COL16A1: variants seen among roughly 807,000 people sequenced by gnomAD.
COL16A1 encodes collagen alpha-1(XVI) chain.
COL16A1 carries 189 observed loss-of-function variants against 266.3 expected under a neutral mutation model. The ratio of observed to expected loss-of-function variants is 0.71; its 90% CI spans 0.63 to 0.80. The LOEUF (loss-of-function observed/expected upper bound fraction) is 0.80, where lower values mean the gene tolerates loss of function less well. Among genes scored for constraint, COL16A1 ranks in the 30% least tolerant of loss-of-function variants. COL16A1 has a pLI of 0.00. For synonymous variants in COL16A1, 740 were observed against 782.3 expected, an observed-to-expected ratio of 0.95 and a Z score of 0.90; for missense variants, 1,928 against 2,122.4, an observed-to-expected ratio of 0.91 and a Z score of 1.80.
At chr1:31,696,584 G>C (rs74714127) in intron 8 of COL16A1, among the ~76,000 whole-genome samples, 18 of 152,216 alleles carry the variant, frequency 1.2e-4, no homozygotes, top group Middle Eastern at 3.2e-3. Context: ...GCCATCCCTG[G>C]GGGGAAGCAG....
In COL16A1 at chr1:31,653,889, C is replaced by T; in HGVS notation, c.4512G>A (p.Arg1504=). The change falls in exon 69 of 71, where the codon CGG becomes CGA. Residue 1504 remains arginine (R), a synonymous_variant. Transcript: ENST00000373672. Reference sequence around the variant, plus strand: ...TACCTCTTACTCCTGGCAAGCCCTGCCGTCCTTCTCTGCCAATCTGACCAG... The same window carrying T: ...TACCTCTTACTCCTGGCAAGCCCTGTCGTCCTTCTCTGCCAATCTGACCAG... The part of the protein sequence containing the change: ...GLPGQIGREG[R]QGLPGVRGLP... 6.2e-7 allele frequency: 1 copy of T among 1,612,706 alleles called. No individual in the cohort carries two copies. The highest frequency in any genetic ancestry group is 1.1e-5 in the South Asian group (1 of 91,004).
intron 39 of COL16A1, 139 bp downstream of exon 39, chr1:31,680,766 C>G: frequency 6.5e-7 from 1 of 1,535,296 alleles, no homozygotes; most frequent in East Asian, 2.3e-5. Context: ...TCCAAGGCAG[C>G]TTCATGTGCA....
At chr1:31,687,150 G>T (rs1334542191) in intron 26 of COL16A1, among the ~76,000 whole-genome samples, 1 of 152,218 alleles carries the variant, frequency 6.6e-6, no homozygotes, top group Admixed American at 6.5e-5. Context: ...GGGAGGCCAA[G>T]GAGGGTAGAT....
intron 34 of COL16A1, 36 bp downstream of exon 34, chr1:31,683,671 C>T (rs764616851): frequency 3.7e-6 from 6 of 1,613,996 alleles, no homozygotes; most frequent in Middle Eastern, 1.6e-4. Flanking sequence ...AATGGAAGTG[C>T]TGAGAGGACA....
rs1641977567 is a variant in COL16A1 at position 31,664,724 on chromosome 1, G to A, written c.3555+448C>T. Among the ~76,000 whole-genome samples, 1 of 152,162 alleles carries A rather than the reference G, an allele frequency of 6.6e-6. No individual in the cohort carries two copies. Among genetic ancestry groups the A allele is most frequent in the Non-Finnish European group, 1.5e-5 (1 of 68,016 alleles). On this transcript the variant is annotated intron_variant, in intron 56 of 70. Transcript: ENST00000373672. This position sits in a 1 kb window ranked among gnomAD's most constrained non-coding sequence, Gnocchi z 5.5. Reference sequence around the variant, plus strand: ...GGCCCTTGGGGACAACTGGAGCACGGCTACCCAGGAGGAGCCCATTCCCCT... The same window carrying A: ...GGCCCTTGGGGACAACTGGAGCACGACTACCCAGGAGGAGCCCATTCCCCT...
chr1:31,654,920 G>A, intron 67 of COL16A1, 62 bp from the exon 68 acceptor site: 1 of 1,571,888 alleles, frequency 6.4e-7, no homozygotes, highest in Non-Finnish European at 8.6e-7. Context: ...TTCCCCTATG[G>A]AAATAAAGGA....
At position 31,688,598 on chromosome 1, in the gene COL16A1, G is replaced by C; in HGVS notation, c.1768-96C>G. 1 of 1,508,600 alleles carries C rather than the reference G, an allele frequency of 6.6e-7. No individual in the cohort carries two copies. Among genetic ancestry groups the C allele is most frequent in the Non-Finnish European group, 9.2e-7 (1 of 1,084,152 alleles). The allele number at this position is 1,508,600 out of a possible 1,614,324, so 93.5% of individuals were successfully genotyped here. A position where few individuals can be genotyped will look rare whatever the true frequency, so the allele number is the denominator to read the frequency against. On this transcript the variant is annotated intron_variant, in intron 25 of 70. Transcript: ENST00000373672. This position sits in a 1 kb window ranked among gnomAD's most constrained non-coding sequence, Gnocchi z 4.9. Reference sequence around the variant, plus strand: ...TGTCCAACCAGAAACAGAACGGTAAGATAGGAATTATGTCCTTCAGGTAGC... The same window carrying C: ...TGTCCAACCAGAAACAGAACGGTAACATAGGAATTATGTCCTTCAGGTAGC...
chr1:31,686,018 G>T, intron 28 of COL16A1, 73 bp downstream of exon 28: 3 of 1,593,408 alleles, frequency 1.9e-6, no homozygotes, highest in South Asian at 2.3e-5. Context: ...CAGAGGGTTC[G>T]AAGTCGAGCA....
At chr1:31,699,758 G>A in intron 4 of COL16A1, 55 bp downstream of exon 4, 1 of 1,134,276 alleles carries the variant, frequency 8.8e-7, no homozygotes, top group Non-Finnish European at 1.3e-6. Context: ...TGGAGTTGCT[G>A]AGGAGTGTGG....
chr1:31,694,869 G>T (rs924810774), intron 11 of COL16A1, among the ~76,000 whole-genome samples: 9 of 152,210 alleles, frequency 5.9e-5, no homozygotes, highest in Non-Finnish European at 1.3e-4. Context: ...ACCAGGGCAG[G>T]GGGAGAACTT....
At chr1:31,702,097 T>C (rs1644744489) in intron 2 of COL16A1, 24 bp downstream of exon 2, 1 of 1,613,768 alleles carries the variant, frequency 6.2e-7, no homozygotes, top group Admixed American at 1.7e-5. Context: ...CCTGTGATAC[T>C]GTGACTCTCC....
rs768372638 is a variant in COL16A1 at position 31,680,890 on chromosome 1, G to A, written c.2610+15C>T. 1.9e-6 allele frequency: 3 copies of A among 1,614,178 alleles called. No homozygotes were observed. The South Asian group carries it at 3.3e-5, about 18-fold the overall frequency. ...TAATCCCCTAGAATATGGGTCACAG[G>A]CCCTTGGAACTCACCTTCTCTCCTC... On this transcript the variant is annotated intron_variant, in intron 39 of 70. Transcript: ENST00000373672.
At chr1:31,692,377 A>G in intron 16 of COL16A1, 97 bp downstream of exon 16, 1 of 1,500,338 alleles carries the variant, frequency 6.7e-7, no homozygotes, top group Non-Finnish European at 8.9e-7. Context: ...GTGCCCACTG[A>G]CACCCTCTCC....
At chr1:31,679,610 T>C (rs764708186) in intron 42 of COL16A1, 22 bp downstream of exon 42, 4 of 1,614,214 alleles carry the variant, frequency 2.5e-6, no homozygotes, top group Non-Finnish European at 3.4e-6. Context: ...CCCAAGCTCC[T>C]CATTCTCTTC....
chr1:31,693,992 T>C (rs1452919921), intron 12 of COL16A1, 152 bp downstream of exon 12: 4 of 674,536 alleles, frequency 5.9e-6, no homozygotes, highest in Non-Finnish European at 9.9e-6. Context: ...CACAAACCCC[T>C]GCTTTCTTTA....
At position 31,667,639 on chromosome 1, in the gene COL16A1, G is replaced by T; in HGVS notation, c.3304-11C>A. The T allele has an allele frequency of 6.2e-7, 1 of 1,603,010 alleles. No homozygotes were observed. Among genetic ancestry groups the T allele is most frequent in the Admixed American group, 1.7e-5 (1 of 58,748 alleles). On this transcript the variant is annotated splice_polypyrimidine_tract_variant and intron_variant, in intron 51 of 70. Transcript: ENST00000373672. ...CTCCCCCTTGATGCCCTGACAAGTG[G>T]CAAAGAGACAGTGGAATTAGCCCCA...
In COL16A1 at chr1:31,688,564, G is replaced by A. The variant is rs34093635; in HGVS notation, c.1768-62C>T. The A allele has an allele frequency of 4.6e-4, 732 of 1,603,578 alleles. 1 individual carries two copies. Among genetic ancestry groups the A allele is most frequent in the Admixed American group, 1.4e-3 (86 of 59,972 alleles). Reference sequence around the variant, plus strand: ...CACTCCCACCTCTCCAAGGCTCCCCGGGTCCCAGTGTCCAACCAGAAACAG... The same window carrying A: ...CACTCCCACCTCTCCAAGGCTCCCCAGGTCCCAGTGTCCAACCAGAAACAG... On this transcript the variant is annotated intron_variant, in intron 25 of 70. Coordinates refer to ENST00000373672, the MANE Select transcript of COL16A1 (RefSeq NM_001856.4). The surrounding 1 kb of genome is among the most constrained non-coding windows in gnomAD (Gnocchi z 4.9).
chr1:31,652,872 CAG>C lies in COL16A1; in HGVS notation c.4613-21_4613-20del. ...TGAGGACCTAGGGAGGGAAGGGCCA[CAG>C]AGGGAAAATCAGAAGACCCAGATCA... On this transcript the variant is annotated intron_variant, in intron 70 of 70. Coordinates refer to ENST00000373672, the MANE Select transcript of COL16A1 (RefSeq NM_001856.4). This position sits in a 1 kb window ranked among gnomAD's most constrained non-coding sequence, Gnocchi z 4.8. 2.7e-6 allele frequency: 4 copies of C among 1,468,912 alleles called. No individual in the cohort carries two copies. The highest frequency in any genetic ancestry group is 3.6e-6 in the Non-Finnish European group (4 of 1,109,774). 91.0% of individuals were successfully genotyped at this position (1,468,912 alleles called of 1,614,324 possible).
chr1:31,702,035 A>G, intron 2 of COL16A1, 86 bp downstream of exon 2: 1 of 1,599,010 alleles, frequency 6.3e-7, no homozygotes, highest in East Asian at 2.2e-5. Context: ...GACCACACAT[A>G]CATGGTCACA....
Sources: allele counts gnomAD v4.1 joint callset (sites outside exome capture counted in the v4.1 genomes callset), GRCh38; gene constraint gnomAD v4.1.1; non-coding constraint Gnocchi (gnomAD v3.1); transcripts MANE v1.5; gene names NCBI Gene and HGNC (gene_info 2026-07-23, HGNC 2026-07-21).